Variants in ASTN2 observed in about 807,000 individuals in gnomAD.
ASTN2 encodes astrotactin-2.
Under a neutral mutation model 139.8 loss-of-function variants are expected in ASTN2, and 54 were observed. The ratio of observed to expected loss-of-function variants is 0.39; its 90% CI spans 0.31 to 0.48. The LOEUF is 0.48. Among genes scored for constraint, ASTN2 ranks in the 20% least tolerant of loss-of-function variants. The pLI is 0.95. For synonymous variants in ASTN2, 756 were observed against 719.5 expected (o/e 1.05, Z -0.81); for missense variants, 1,565 against 1,725.1 (o/e 0.91, Z 1.64).
At chr9:116,708,087 C>T (rs966160503) in intron 16 of ASTN2, among the ~76,000 whole-genome samples, 3 of 152,130 alleles carry the variant, frequency 2.0e-5, no homozygotes, top group East Asian at 1.9e-4. Flanking sequence ...TCCCCTCCTC[C>T]GTTAGTTAAA....
intron 1 of ASTN2, among the ~76,000 whole-genome samples, chr9:117,411,483 G>T (rs1262120457): frequency 6.9e-6 from 1 of 145,304 alleles, no homozygotes; most frequent in Non-Finnish European, 1.5e-5. Context: ...CTTGCTTCCA[G>T]TCTGGGCATT....
chr9:116,824,011 G>C (rs1588323580), intron 11 of ASTN2, among the ~76,000 whole-genome samples: 1 of 152,164 alleles, frequency 6.6e-6, no homozygotes, highest in Non-Finnish European at 1.5e-5. Context: ...CATGTGGCTT[G>C]TCCTAAGCCA....
intron 10 of ASTN2, among the ~76,000 whole-genome samples, chr9:116,907,359 T>G (rs966135108): frequency 6.6e-6 from 1 of 152,206 alleles, no homozygotes; most frequent in African/African-American, 2.4e-5. Flanking sequence ...TTTTCAGTAC[T>G]GGCCCTGAGG....
At chr9:116,693,425 G>A (rs886100193) in intron 16 of ASTN2, among the ~76,000 whole-genome samples, 1 of 152,160 alleles carries the variant, frequency 6.6e-6, no homozygotes, top group African/African-American at 2.4e-5. Flanking sequence ...TAGAAGAGGC[G>A]AGATTAATAT....
chr9:116,990,671 AG>A (rs1836826377), intron 7 of ASTN2, among the ~76,000 whole-genome samples: 1 of 152,186 alleles, frequency 6.6e-6, no homozygotes, highest in Non-Finnish European at 1.5e-5. Flanking sequence ...AGCACACTAC[AG>A]CCCCCACTTT....
At chr9:116,517,219 C>A (rs1478115137) in intron 19 of ASTN2, among the ~76,000 whole-genome samples, 1 of 152,226 alleles carries the variant, frequency 6.6e-6, no homozygotes, top group African/African-American at 2.4e-5. Flanking sequence ...CAAACCAGCA[C>A]ACTAAACAAA....
At chr9:117,232,386 C>T (rs1216215577) in intron 2 of ASTN2, among the ~76,000 whole-genome samples, 1 of 152,144 alleles carries the variant, frequency 6.6e-6, no homozygotes, top group Non-Finnish European at 1.5e-5. Context: ...AGGCTGTGAG[C>T]TTGCATAACT....
At chr9:116,637,929 G>T (rs1857149643) in intron 17 of ASTN2, among the ~76,000 whole-genome samples, 1 of 152,176 alleles carries the variant, frequency 6.6e-6, no homozygotes, top group African/African-American at 2.4e-5. Context: ...GACAGAGTGA[G>T]ACCTGGTCTC....
intron 6 of ASTN2, among the ~76,000 whole-genome samples, chr9:117,023,896 G>C (rs988858298): frequency 1.3e-5 from 2 of 152,094 alleles, no homozygotes; most frequent in Non-Finnish European, 2.9e-5. Flanking sequence ...CCAACTTGCT[G>C]TCCTCACACT....
At chr9:116,428,524 C>T (rs1181513203) in intron 22 of ASTN2, among the ~76,000 whole-genome samples, 1 of 133,536 alleles carries the variant, frequency 7.5e-6, no homozygotes, top group Non-Finnish European at 1.6e-5. Context: ...AACTCCACCT[C>T]AAAAAAAAAA....
intron 3 of ASTN2, among the ~76,000 whole-genome samples, chr9:117,156,095 C>T (rs1830426963): frequency 6.6e-6 from 1 of 151,976 alleles, no homozygotes; most frequent in African/African-American, 2.4e-5. Context: ...TAGCTGCCTT[C>T]AATTAAATGA....
At chr9:116,958,205 T>C (rs1441050506) in intron 10 of ASTN2, among the ~76,000 whole-genome samples, 1 of 152,210 alleles carries the variant, frequency 6.6e-6, no homozygotes, top group African/African-American at 2.4e-5. Flanking sequence ...TCTTCAAATT[T>C]TCTACTAGAA....
chr9:117,143,656 C>T (rs1312090647), intron 3 of ASTN2, among the ~76,000 whole-genome samples: 1 of 152,168 alleles, frequency 6.6e-6, no homozygotes, highest in African/African-American at 2.4e-5. Flanking sequence ...TCTTAAACAA[C>T]AGACATTTAT....
rs150192450 is a variant in ASTN2 at position 117,379,720 on chromosome 9, C to T, written c.442+34777G>A. 4.1e-3 allele frequency among the ~76,000 whole-genome samples: 624 copies of T among 152,250 alleles called. 19 individuals carry two copies. Among genetic ancestry groups the T allele is most frequent in the Admixed American group, 0.037 (559 of 15,290 alleles). On this transcript the variant is annotated intron_variant, in intron 1 of 22. Coordinates refer to ENST00000313400, the MANE Select transcript of ASTN2 (RefSeq NM_001365068.1). ...AAGCACTGAGATGTATGCCAAATTA[C>T]TTAAAACGAGAGAGAAAATTCAAAA...
chr9:117,151,107 C>G (rs367729026), intron 3 of ASTN2, among the ~76,000 whole-genome samples: 1 of 152,194 alleles, frequency 6.6e-6, no homozygotes. Flanking sequence ...AAGGGGTCCT[C>G]CCACTTCAGC....
chr9:117,157,738 A>C (rs1830461827), intron 3 of ASTN2, among the ~76,000 whole-genome samples: 1 of 152,040 alleles, frequency 6.6e-6, no homozygotes, highest in African/African-American at 2.4e-5. Flanking sequence ...ACTAGAGTTC[A>C]GTTTTCCTAT....
At chr9:116,957,289 C>A (rs886487028) in intron 10 of ASTN2, among the ~76,000 whole-genome samples, 1 of 151,770 alleles carries the variant, frequency 6.6e-6, no homozygotes, top group African/African-American at 2.4e-5. Context: ...ACACTTTTTT[C>A]TTTTTTTGAA....
chr9:117,393,013 G>A (rs892071510), intron 1 of ASTN2, among the ~76,000 whole-genome samples: 1 of 152,170 alleles, frequency 6.6e-6, no homozygotes, highest in Non-Finnish European at 1.5e-5. Flanking sequence ...AGGACATTTG[G>A]AGTCACATTT....
At chr9:116,753,515 T>G (rs1829454265) in intron 13 of ASTN2, among the ~76,000 whole-genome samples, 1 of 152,198 alleles carries the variant, frequency 6.6e-6, no homozygotes, top group Admixed American at 6.5e-5. Context: ...CGTTAGCAAC[T>G]AATATTCAAT....
Sources: allele counts gnomAD v4.1 joint callset (sites outside exome capture counted in the v4.1 genomes callset), GRCh38; gene constraint gnomAD v4.1.1; transcripts MANE v1.5; gene names NCBI Gene and HGNC (gene_info 2026-07-23, HGNC 2026-07-21).